CAMK1D: variants seen among roughly 807,000 people sequenced by gnomAD.
CAMK1D encodes calcium/calmodulin dependent protein kinase ID.
Under a neutral mutation model 47.7 loss-of-function variants are expected in CAMK1D, and 9 were observed. That is an observed-to-expected ratio of 0.19 (90% CI 0.11 to 0.33). CAMK1D has a LOEUF of 0.33. CAMK1D is among the 10% of genes least tolerant of loss of function. CAMK1D has a pLI of 1.00. For missense variants in CAMK1D, 291 were observed against 488.7 expected (o/e 0.60, Z 3.81); for synonymous variants, 184 against 184.9 (o/e 0.99, Z 0.04).
chr10:12,700,396 CT>C (rs1463140299), intron 3 of CAMK1D, among the ~76,000 whole-genome samples: 1 of 152,140 alleles, frequency 6.6e-6, no homozygotes, highest in Non-Finnish European at 1.5e-5. Context: ...ACCATCAGAT[CT>C]TGTGACAACT....
intron 3 of CAMK1D, among the ~76,000 whole-genome samples, chr10:12,707,088 G>A (rs1564508270): frequency 6.6e-6 from 1 of 152,202 alleles, no homozygotes; most frequent in Non-Finnish European, 1.5e-5. Flanking sequence ...AGAGATAGGA[G>A]TTACGGAAGG....
At chr10:12,509,768 T>G (rs1314597070) in intron 1 of CAMK1D, among the ~76,000 whole-genome samples, 1 of 152,162 alleles carries the variant, frequency 6.6e-6, no homozygotes, top group East Asian at 1.9e-4. Context: ...ATGTGACTTC[T>G]AAGTGGTTCT....
At chr10:12,613,920 T>C (rs1425898320) in intron 2 of CAMK1D, among the ~76,000 whole-genome samples, 4 of 152,226 alleles carry the variant, frequency 2.6e-5, no homozygotes, top group African/African-American at 9.7e-5. Flanking sequence ...GAAAGTGACT[T>C]GGCCTGTAAG....
chr10:12,631,988 C>CG (rs1839392634), intron 2 of CAMK1D, among the ~76,000 whole-genome samples: 2 of 152,120 alleles, frequency 1.3e-5, no homozygotes, highest in Non-Finnish European at 2.9e-5. Context: ...AGCGAATGAA[C>CG]CGAGCTCTTA....
At chr10:12,595,105 G>A (rs1406286244) in intron 2 of CAMK1D, among the ~76,000 whole-genome samples, 1 of 152,004 alleles carries the variant, frequency 6.6e-6, no homozygotes, top group African/African-American at 2.4e-5. Flanking sequence ...ACTATGGGAG[G>A]CTGAAGAGGG....
intron 6 of CAMK1D, among the ~76,000 whole-genome samples, chr10:12,792,682 G>A (rs1465327997): frequency 2.0e-5 from 3 of 152,216 alleles, no homozygotes; most frequent in Non-Finnish European, 4.4e-5. Context: ...GTTTAGTGTG[G>A]ATTTAGGTAA....
chr10:12,575,649 G>A (rs1024884045), intron 2 of CAMK1D, among the ~76,000 whole-genome samples: 1 of 152,216 alleles, frequency 6.6e-6, no homozygotes, highest in Non-Finnish European at 1.5e-5. Context: ...TGAGGAGGAA[G>A]TTAAGAATCA....
intron 3 of CAMK1D, among the ~76,000 whole-genome samples, chr10:12,739,259 C>A (rs755119977): frequency 9.9e-5 from 15 of 151,874 alleles, no homozygotes; most frequent in Non-Finnish European, 1.6e-4. Flanking sequence ...AAGGTTAATA[C>A]AAAATGAGAT....
chr10:12,421,750 G>A (rs1211925578), intron 1 of CAMK1D, among the ~76,000 whole-genome samples: 1 of 150,320 alleles, frequency 6.7e-6, no homozygotes, highest in Non-Finnish European at 1.5e-5. Flanking sequence ...GGTTACCCAG[G>A]ACTCTTTTTG....
At chr10:12,722,162 G>C (rs923234330) in intron 3 of CAMK1D, among the ~76,000 whole-genome samples, 2 of 152,102 alleles carry the variant, frequency 1.3e-5, no homozygotes, top group Non-Finnish European at 2.9e-5. Context: ...GATAACTCCA[G>C]GCTGGGCGCG....
At chr10:12,799,672 A>G (rs1273552719) in intron 6 of CAMK1D, among the ~76,000 whole-genome samples, 8 of 152,108 alleles carry the variant, frequency 5.3e-5, no homozygotes, top group Non-Finnish European at 1.0e-4. Flanking sequence ...GCTCAGTTTC[A>G]CTGTTAGCCA....
chr10:12,723,740 T>C (rs1029913390), intron 3 of CAMK1D, among the ~76,000 whole-genome samples: 3 of 152,222 alleles, frequency 2.0e-5, no homozygotes, highest in African/African-American at 7.2e-5. Flanking sequence ...TTTGTTGTTG[T>C]TGTTGTTTTG....
At chr10:12,483,601 T>G (rs1834125328) in intron 1 of CAMK1D, among the ~76,000 whole-genome samples, 1 of 152,202 alleles carries the variant, frequency 6.6e-6, no homozygotes, top group Non-Finnish European at 1.5e-5. Flanking sequence ...TGGCCTCAAG[T>G]GATCCTCTCG....
chr10:12,574,890 T>G (rs1235582103), intron 2 of CAMK1D, among the ~76,000 whole-genome samples: 1 of 151,952 alleles, frequency 6.6e-6, no homozygotes, highest in African/African-American at 2.4e-5. Flanking sequence ...TGCTGCACGC[T>G]TCTAACAACC....
intron 1 of CAMK1D, among the ~76,000 whole-genome samples, chr10:12,462,717 G>A (rs769029831): frequency 5.3e-5 from 8 of 152,100 alleles, no homozygotes; most frequent in Non-Finnish European, 1.0e-4. Flanking sequence ...TTAGAGATGG[G>A]TTCTTGCTCT....
At chr10:12,493,406 T>C (rs925698570) in intron 1 of CAMK1D, among the ~76,000 whole-genome samples, 1 of 152,168 alleles carries the variant, frequency 6.6e-6, no homozygotes, top group Non-Finnish European at 1.5e-5. Flanking sequence ...TCTTAACCTT[T>C]TAATGTCTGA....
chr10:12,828,534 G>A (rs1406436801), intron 10 of CAMK1D, among the ~76,000 whole-genome samples: 2 of 152,010 alleles, frequency 1.3e-5, no homozygotes, highest in Non-Finnish European at 2.9e-5. Context: ...CCAGCTACTC[G>A]GGAGGCTGAA....
chr10:12,481,403 C>T (rs1834061374), intron 1 of CAMK1D, among the ~76,000 whole-genome samples: 1 of 152,182 alleles, frequency 6.6e-6, no homozygotes, highest in Non-Finnish European at 1.5e-5. Context: ...CACCCATTCC[C>T]TTAGTCCTTG....
intron 1 of CAMK1D, among the ~76,000 whole-genome samples, chr10:12,509,270 C>T (rs1834970212): frequency 6.6e-6 from 1 of 152,186 alleles, no homozygotes; most frequent in Non-Finnish European, 1.5e-5. Context: ...CATTCTGTGA[C>T]ATGGAACCCA....
Sources: allele counts gnomAD v4.1 joint callset (sites outside exome capture counted in the v4.1 genomes callset), GRCh38; gene constraint gnomAD v4.1.1; transcripts MANE v1.5; gene names NCBI Gene and HGNC (gene_info 2026-07-23, HGNC 2026-07-21).